Variants in DNAH17 observed in about 807,000 individuals in gnomAD.
DNAH17 encodes the protein axonemal beta dynein heavy chain 17.
In DNAH17, 376 loss-of-function variants were observed where a neutral mutation model predicts 485.6. The observed-to-expected ratio is 0.77, with a 90% confidence interval of 0.71 to 0.84. The LOEUF is 0.84. DNAH17 is among the 40% of genes least tolerant of loss of function. The pLI is 0.00. For missense variants in DNAH17, 6,370 were observed against 5,839.3 expected (o/e 1.09, Z -2.96); for synonymous variants, 3,031 against 2,405.9 (o/e 1.26, Z -7.60).
At chr17:78,432,015 A>G (rs916451806) in intron 75 of DNAH17, among the ~76,000 whole-genome samples, 6 of 151,570 alleles carry the variant, frequency 4.0e-5, no homozygotes, top group Admixed American at 3.3e-4. Flanking sequence ...TTACAGAACA[A>G]AACAAAACAA....
intron 17 of DNAH17, among the ~76,000 whole-genome samples, chr17:78,541,466 A>G (rs529807176): frequency 6.6e-6 from 1 of 151,750 alleles, no homozygotes; most frequent in Admixed American, 6.6e-5. Context: ...TCAAAGATTA[A>G]TTTCACTCAG....
At chr17:78,425,105 G>GGCC in intron 80 of DNAH17, 1 of 454,080 alleles carries the variant, frequency 2.2e-6, no homozygotes, top group Non-Finnish European at 4.0e-6. Context: ...TTAAAGCAGA[G>GGCC]GCCAGGTGAC....
chr17:78,459,303 C>T lies in DNAH17; in HGVS notation c.9654-95G>A, dbSNP rs899258060. The T allele has an allele frequency of 3.8e-5, 46 of 1,208,106 alleles. No individual in the cohort carries two copies. The East Asian group carries it at 1.1e-3, about 28-fold the overall frequency. The allele number at this position is 1,208,106 out of a possible 1,614,324, so 74.8% of individuals were successfully genotyped here. On this transcript the variant is annotated intron_variant, in intron 60 of 80. Coordinates refer to ENST00000389840, the MANE Select transcript of DNAH17 (RefSeq NM_173628.4). ...GAGTGTCTTGCCCAGGGTGGCACAG[C>T]TCTGGAGGGGCAGCGCTGGGATTCA... is the stretch of plus-strand genomic sequence containing the variant.
chr17:78,449,027 G>A (rs190540663), intron 69 of DNAH17, among the ~76,000 whole-genome samples: 1 of 152,310 alleles, frequency 6.6e-6, no homozygotes, highest in African/African-American at 2.4e-5. Flanking sequence ...GTATAAACAG[G>A]AGGAATATTT....
intron 10 of DNAH17, 122 bp from the exon 11 acceptor site, chr17:78,566,852 G>C: frequency 7.6e-7 from 1 of 1,307,932 alleles, no homozygotes; most frequent in Non-Finnish European, 1.1e-6. Context: ...GTGCTGTTGC[G>C]GGGACCGCTC....
At chr17:78,568,897 G>T (rs541838682) in intron 9 of DNAH17, among the ~76,000 whole-genome samples, 1 of 152,202 alleles carries the variant, frequency 6.6e-6, no homozygotes, top group African/African-American at 2.4e-5. Flanking sequence ...GAACGTGGGG[G>T]TTTAACTTAT....
In DNAH17 at chr17:78,491,569, G is replaced by C. The variant is rs778902843; in HGVS notation, c.6543C>G (p.Gly2181=). The C allele has an allele frequency of 1.2e-6, 2 of 1,613,788 alleles. No individual in the cohort carries two copies. The highest frequency in any genetic ancestry group is 1.7e-6 in the Non-Finnish European group (2 of 1,179,836). ...INPVTREWKD[G]LFSTIMRDLA... ...GGTCTCGCATGATGGTGGAGAACAG[G>C]CCTGGGGGAGGCGCGTGGTATGACC... The change falls in exon 43 of 81, where the codon GGC becomes GGG. Residue 2181 remains glycine (G), a splice_region_variant and synonymous_variant. Transcript: ENST00000389840.
At chr17:78,551,739 G>A (rs540810435) in intron 15 of DNAH17, 101 bp from the exon 16 acceptor site, 29 of 1,100,082 alleles carry the variant, frequency 2.6e-5, no homozygotes, top group African/African-American at 9.3e-5. Context: ...CAGGGCAGGC[G>A]AATCACGAGG....
intron 11 of DNAH17, among the ~76,000 whole-genome samples, chr17:78,565,224 G>A (rs1470099659): frequency 2.6e-5 from 4 of 152,150 alleles, no homozygotes; most frequent in East Asian, 1.9e-4. Context: ...GGTATAAATC[G>A]TGAGTAAGGT....
chr17:78,545,253 CT>C (rs1474518239), intron 16 of DNAH17, among the ~76,000 whole-genome samples: 1 of 152,186 alleles, frequency 6.6e-6, no homozygotes, highest in Non-Finnish European at 1.5e-5. Context: ...CTGTGTTTAC[CT>C]TGTTAGAAGG....
At chr17:78,446,196 A>AAAAAAAAAAAAAC (rs1401783349) in intron 69 of DNAH17, among the ~76,000 whole-genome samples, 1 of 151,142 alleles carries the variant, frequency 6.6e-6, no homozygotes, top group African/African-American at 2.4e-5. Context: ...AAAAAAAAAA[A>AAAAAAAAAAAAAC]AATTGACAAT....
rs751500966 is a variant in DNAH17, at chr17:78,502,872, C to T, written c.5082+14G>A. On this transcript the variant is annotated intron_variant, in intron 32 of 80. Transcript: ENST00000389840. Reference sequence around the variant, plus strand: ...CAGCCACGAGGCGCCGCCGAGCCCCCACCCGCCTCAGACCTGGGCTGGGTA... The same window carrying T: ...CAGCCACGAGGCGCCGCCGAGCCCCTACCCGCCTCAGACCTGGGCTGGGTA... 4 of 1,610,772 alleles carry T rather than the reference C, an allele frequency of 2.5e-6. No homozygotes were observed. Among genetic ancestry groups the T allele is most frequent in the Non-Finnish European group, 3.4e-6 (4 of 1,178,288 alleles).
chr17:78,479,944 T>C (rs1045224695), intron 49 of DNAH17, among the ~76,000 whole-genome samples: 11 of 151,318 alleles, frequency 7.3e-5, no homozygotes, highest in African/African-American at 2.4e-4. Context: ...GCAAAGTCTG[T>C]CTGGGTAAGG....
At chr17:78,481,224 T>A (rs945769371) in intron 48 of DNAH17, among the ~76,000 whole-genome samples, 2 of 150,384 alleles carry the variant, frequency 1.3e-5, no homozygotes, top group Non-Finnish European at 3.0e-5. Flanking sequence ...TGCCTCAGCC[T>A]CCCGAGTAGC....
chr17:78,530,394 C>T lies in DNAH17; in HGVS notation c.3233G>A (p.Arg1078Gln), dbSNP rs200090466. ...CCGCTTGAACATGAAGCCCCAGCGC[C>T]GGATTGTGCTGAGCAGGGCCTGCTT... ...PFKQALLSTI[R>Q]RWGFMFKRHL... Residue 1078 changes from arginine (R) to glutamine (Q), a missense_variant, in exon 21 of 81, where the codon CGG becomes CAG. Transcript: ENST00000389840. 294 of 1,613,426 alleles carry T rather than the reference C, an allele frequency of 1.8e-4. No individual in the cohort carries two copies. The highest frequency in any genetic ancestry group is 2.2e-4 in the Non-Finnish European group (257 of 1,179,586).
In DNAH17 at chr17:78,498,192, TAAAG is replaced by T. The variant is rs2090142829; in HGVS notation, c.5745+812_5745+815del. 1.5e-5 allele frequency among the ~76,000 whole-genome samples: 2 copies of T among 134,160 alleles called. 1 individual carries two copies. Among genetic ancestry groups the T allele is most frequent in the Admixed American group, 1.5e-4 (2 of 13,564 alleles). The allele number at this position is 134,160 out of a possible 152,430, so 88.0% of individuals were successfully genotyped here. Reference sequence around the variant, plus strand: ...ATAAATAAATAAATAAATAAATAAATAAAGCAGGCTCTCCACCCAGGTTGTGGGG... The same window carrying T: ...ATAAATAAATAAATAAATAAATAAATCAGGCTCTCCACCCAGGTTGTGGGG... On this transcript the variant is annotated intron_variant, in intron 37 of 80. Coordinates refer to ENST00000389840, the MANE Select transcript of DNAH17 (RefSeq NM_173628.4).
chr17:78,475,407 C>T lies in DNAH17; in HGVS notation c.8382G>A (p.Arg2794=), dbSNP rs1344076015. The T allele has an allele frequency of 6.2e-7, 1 of 1,613,942 alleles. No individual in the cohort carries two copies. Among genetic ancestry groups the T allele is most frequent in the African/African-American group, 1.3e-5 (1 of 75,042 alleles). ...CCACCCCCACCAGCAGGGCATTCCC[C>T]CGGGGAGACTCCAGGATGCGATTAA... The part of the protein sequence containing the change: ...CRINRILESP[R]GNALLVGVGG... The change falls in exon 54 of 81, where the codon CGG becomes CGA. Residue 2794 remains arginine, a synonymous_variant. Transcript: ENST00000389840.
intron 25 of DNAH17, among the ~76,000 whole-genome samples, chr17:78,518,107 C>G (rs1473003535): frequency 6.6e-6 from 1 of 152,100 alleles, no homozygotes; most frequent in African/African-American, 2.4e-5. Flanking sequence ...AGGGAACAAA[C>G]AGAAAACAAA....
chr17:78,464,779 G>A (rs1444363015), intron 56 of DNAH17, among the ~76,000 whole-genome samples: 1 of 152,222 alleles, frequency 6.6e-6, no homozygotes, highest in Non-Finnish European at 1.5e-5. Flanking sequence ...TGGAGCCTTG[G>A]CTGCGCCGGG....
Sources: gnomAD v4.1 joint callset for allele counts (sites outside exome capture counted in the v4.1 genomes callset) on GRCh38, gnomAD v4.1.1 for gene constraint, MANE v1.5 for transcripts, NCBI Gene and HGNC (gene_info 2026-07-23, HGNC 2026-07-21) for gene names.